KIAA2012: variants seen among roughly 807,000 people sequenced by gnomAD.
KIAA2012 encodes KIAA2012.
Under a neutral mutation model 150.6 loss-of-function variants are expected in KIAA2012, and 125 were observed. The observed-to-expected ratio is 0.83, with a 90% CI of 0.72 to 0.96. KIAA2012 has a LOEUF of 0.96. KIAA2012 is among the 40% of genes least tolerant of loss of function. The pLI, the probability that KIAA2012 is intolerant of heterozygous loss-of-function variation, is 0.00. For missense variants in KIAA2012, 1,219 were observed against 1,354.9 expected, an observed-to-expected ratio of 0.90 and a Z score of 1.57; for synonymous variants, 462 against 504.7, an observed-to-expected ratio of 0.92 and a Z score of 1.13.
chr2:202,166,318 AAAG>A (rs1185739642), intron 15 of KIAA2012, among the ~76,000 whole-genome samples: 2 of 152,214 alleles, frequency 1.3e-5, no homozygotes, highest in Non-Finnish European at 2.9e-5. Context: ...TTTGAAGAAA[AAAG>A]AAGAGGGAGT....
intron 2 of KIAA2012, among the ~76,000 whole-genome samples, chr2:202,080,875 TTAGATG>T (rs1406446984): frequency 6.6e-6 from 1 of 152,190 alleles, no homozygotes; most frequent in Non-Finnish European, 1.5e-5. Flanking sequence ...TTTAACCATT[TTAGATG>T]TACAGTTTGC....
In KIAA2012 at chr2:202,186,986, C is replaced by T. The variant is rs1160098669; in HGVS notation, c.2264C>T (p.Pro755Leu). The T allele has an allele frequency of 6.4e-7, 1 of 1,550,464 alleles. No homozygotes were observed. Among genetic ancestry groups the T allele is most frequent in the African/African-American group, 1.4e-5 (1 of 73,018 alleles). Residue 755 changes from proline to leucine, a missense_variant, in exon 17 of 24, where the codon CCT becomes CTT. Physicochemically the swap from Pro to Leu is moderately conservative, Grantham distance 98. Transcript: ENST00000498697. The stretch of plus-strand genomic sequence containing the variant: ...CACAGAGGACTTCTGGGATACGGGC[C>T]TGAGTCACCCGAGAGGTTGAGTGCT... ...HLHRGLLGYG[P>L]ESPERLSAVY...
At chr2:202,172,653 G>C (rs1451270187) in intron 15 of KIAA2012, among the ~76,000 whole-genome samples, 1 of 152,194 alleles carries the variant, frequency 6.6e-6, no homozygotes, top group African/African-American at 2.4e-5. Flanking sequence ...TCCAGCTTCA[G>C]GAATAAACAG....
In KIAA2012 at chr2:202,074,993, A is replaced by T; in HGVS notation, c.187A>T (p.Thr63Ser). Residue 63 changes from threonine (T) to serine (S), a missense_variant, in exon 2 of 24, where the codon ACT (threonine) becomes TCT (serine). Physicochemically the swap from Thr to Ser is moderately conservative, Grantham distance 58. Coordinates refer to ENST00000498697, the MANE Select transcript of KIAA2012 (RefSeq NM_001277372.4). ...QHSWSLFLPK[T>S]FSTRKGALIL... ...CTCCTGGAGCCTCTTTCTCCCTAAA[A>T]CTTTCAGTACTAGAAAGGGTGCCCT... is the stretch of plus-strand genomic sequence containing the variant. 6.4e-7 allele frequency: 1 copy of T among 1,550,650 alleles called. No homozygotes were observed. The highest frequency in any genetic ancestry group is 1.4e-5 in the African/African-American group (1 of 73,128).
In KIAA2012 at chr2:202,179,587, C is replaced by T. The variant is rs1403598904; in HGVS notation, c.2120-5166C>T. 4.5e-6 allele frequency: 3 copies of T among 667,512 alleles called. No individual in the cohort carries two copies. In the Admixed American group the frequency reaches 5.5e-5, roughly 12 times the overall value. 41.3% of individuals were successfully genotyped at this position (667,512 alleles called of 1,614,324 possible). A position where few individuals can be genotyped will look rare whatever the true frequency, so the allele number is the denominator to read the frequency against. On this transcript the variant is annotated intron_variant, in intron 15 of 23. Coordinates refer to ENST00000498697, the MANE Select transcript of KIAA2012 (RefSeq NM_001277372.4). ...CTCGAAACTAGCTCAACAATACTAT[C>T]TTGTGTACCAAGTGCCCATTCCCAC...
intron 23 of KIAA2012, 130 bp downstream of exon 23, chr2:202,202,717 C>T (rs1434641681): frequency 1.0e-5 from 4 of 386,682 alleles, no homozygotes; most frequent in African/African-American, 6.2e-5. Flanking sequence ...TGCTTGAGGT[C>T]AGGAGTTTGA....
chr2:202,099,601 G>C lies in KIAA2012; in HGVS notation c.829-12G>C, dbSNP rs999767169. On this transcript the variant is annotated splice_polypyrimidine_tract_variant and intron_variant, in intron 5 of 23. Transcript: ENST00000498697. Reference sequence around the variant, plus strand: ...AGCCTGTTTACAGGAATGTGTATCTGTCGTTCCCTAGGACACGTCAATAGA... The same window carrying C: ...AGCCTGTTTACAGGAATGTGTATCTCTCGTTCCCTAGGACACGTCAATAGA... 10 of 1,543,244 alleles carry C rather than the reference G, an allele frequency of 6.5e-6. No homozygotes were observed. The highest frequency in any genetic ancestry group is 8.7e-6 in the Non-Finnish European group (10 of 1,143,016).
chr2:202,146,875 C>T (rs371417867), intron 13 of KIAA2012, among the ~76,000 whole-genome samples: 2 of 152,288 alleles, frequency 1.3e-5, no homozygotes, highest in Admixed American at 6.5e-5. Flanking sequence ...TTTAACCTCT[C>T]TGAGGCACAG....
chr2:202,093,733 C>T (rs1689793076), intron 4 of KIAA2012, among the ~76,000 whole-genome samples: 1 of 152,060 alleles, frequency 6.6e-6, no homozygotes, highest in Non-Finnish European at 1.5e-5. Flanking sequence ...GTTTGCTCAT[C>T]TCTGTAATGG....
At chr2:202,133,322 G>C (rs1691000779) in intron 12 of KIAA2012, among the ~76,000 whole-genome samples, 1 of 151,082 alleles carries the variant, frequency 6.6e-6, no homozygotes, top group Non-Finnish European at 1.5e-5. Context: ...TTGCTGTTAT[G>C]CATCTCGAAT....
chr2:202,125,744 C>A, intron 12 of KIAA2012: 1 of 401,726 alleles, frequency 2.5e-6, no homozygotes, highest in South Asian at 1.8e-5. Context: ...TCCTCAGATT[C>A]CTTTTCTATT....
intron 2 of KIAA2012, among the ~76,000 whole-genome samples, chr2:202,086,167 C>CAAAAAAAAAAAAAAAAAAAAA (rs56207993): frequency 2.2e-5 from 2 of 90,142 alleles, no homozygotes; most frequent in East Asian, 3.4e-4. Context: ...AACTCTGTCT[C>CAAAAAAAAAAAAAAAAAAAAA]AAAAAAAAAA....
intron 12 of KIAA2012, chr2:202,135,693 TAA>T (rs980099228): frequency 1.1e-4 from 16 of 152,282 alleles, no homozygotes; most frequent in African/African-American, 3.9e-4. Context: ...TTAGAATTCA[TAA>T]GTTTCATTTC....
chr2:202,136,128 T>C (rs913071145), intron 12 of KIAA2012: 2 of 291,106 alleles, frequency 6.9e-6, no homozygotes, highest in African/African-American at 4.5e-5. Context: ...AAAGGTGGTG[T>C]GTCCAGAGTT....
chr2:202,177,525 GC>G (rs1050580647), intron 15 of KIAA2012, among the ~76,000 whole-genome samples: 1 of 152,150 alleles, frequency 6.6e-6, no homozygotes, highest in Non-Finnish European at 1.5e-5. Flanking sequence ...AGGCAAAAAG[GC>G]AAAAGAGAGG....
At chr2:202,098,822 A>ATGTGTGTG in intron 5 of KIAA2012, among the ~76,000 whole-genome samples, 1 of 110,742 alleles carries the variant, frequency 9.0e-6, no homozygotes, top group South Asian at 3.0e-4. Flanking sequence ...GTGTGTGTGC[A>ATGTGTGTG]CGCGCGCGCG....
intron 15 of KIAA2012, 102 bp downstream of exon 15, chr2:202,165,458 A>G (rs932963771): frequency 8.6e-7 from 1 of 1,157,282 alleles, no homozygotes; most frequent in Non-Finnish European, 1.2e-6. Flanking sequence ...ACGGTGGCTC[A>G]CGCCTGTAGT....
intron 13 of KIAA2012, among the ~76,000 whole-genome samples, chr2:202,146,577 A>C (rs1345085175): frequency 6.7e-6 from 1 of 150,180 alleles, no homozygotes; most frequent in Admixed American, 6.7e-5. Flanking sequence ...GGTTGCAGTA[A>C]GCTGAGATTG....
At chr2:202,199,139 C>G (rs1692466514) in intron 22 of KIAA2012, among the ~76,000 whole-genome samples, 1 of 152,116 alleles carries the variant, frequency 6.6e-6, no homozygotes. Context: ...AGCAGAAAAC[C>G]AAATAACTAA....
Sources: gnomAD v4.1 joint callset for allele counts (sites outside exome capture counted in the v4.1 genomes callset) on GRCh38, gnomAD v4.1.1 for gene constraint, MANE v1.5 for transcripts, NCBI Gene and HGNC (gene_info 2026-07-23, HGNC 2026-07-21) for gene names.